FAM117B: variants seen among roughly 807,000 people sequenced by gnomAD.
FAM117B encodes the protein protein FAM117B.
A neutral mutation model predicts 52.8 loss-of-function variants in FAM117B; 22 were observed. That is an observed-to-expected ratio of 0.42 (90% CI 0.30 to 0.59). The LOEUF is 0.59. Ranked by LOEUF, FAM117B falls within the 20% of genes least tolerant of loss-of-function variation. FAM117B has a pLI of 0.22. For synonymous variants in FAM117B, 309 were observed against 324.1 expected (o/e 0.95, Z 0.50); for missense variants, 678 against 802.6 (o/e 0.84, Z 1.88).
At chr2:202,681,942 C>G (rs1165942759) in intron 1 of FAM117B, among the ~76,000 whole-genome samples, 1 of 152,184 alleles carries the variant, frequency 6.6e-6, no homozygotes, top group East Asian at 1.9e-4. Flanking sequence ...ATTCTGTGCC[C>G]ATAAAAACCC....
chr2:202,643,900 G>C (rs981358785), intron 1 of FAM117B, among the ~76,000 whole-genome samples: 2 of 151,972 alleles, frequency 1.3e-5, no homozygotes, highest in Admixed American at 6.6e-5. Flanking sequence ...AGTAGAGGCA[G>C]GGTTTCCCCG....
chr2:202,704,198 G>T (rs1559105942), intron 2 of FAM117B, among the ~76,000 whole-genome samples: 1 of 152,146 alleles, frequency 6.6e-6, no homozygotes, highest in Non-Finnish European at 1.5e-5. Context: ...TTACTTTGAA[G>T]ATTAAATAAA....
intron 2 of FAM117B, among the ~76,000 whole-genome samples, chr2:202,713,614 A>C (rs1690990241): frequency 6.6e-6 from 1 of 151,804 alleles, no homozygotes; most frequent in Non-Finnish European, 1.5e-5. Context: ...TGTTTATTTC[A>C]AGTTTTTCTT....
intron 1 of FAM117B, among the ~76,000 whole-genome samples, chr2:202,691,630 G>T (rs1410936083): frequency 6.9e-6 from 1 of 144,160 alleles, no homozygotes; most frequent in African/African-American, 2.5e-5. Context: ...TTGATATAAT[G>T]CATATATACC....
chr2:202,719,634 C>T (rs1029631581), intron 2 of FAM117B, among the ~76,000 whole-genome samples: 1 of 152,070 alleles, frequency 6.6e-6, no homozygotes, highest in Non-Finnish European at 1.5e-5. Flanking sequence ...TTATCAAATT[C>T]AGGAGATGTA....
rs1574534442 is a variant in FAM117B at position 202,635,536 on chromosome 2, G to A, written c.349G>A (p.Ala117Thr). The A allele has an allele frequency of 3.4e-6, 4 of 1,160,492 alleles. No homozygotes were observed. Among genetic ancestry groups the A allele is most frequent in the Non-Finnish European group, 4.2e-6 (4 of 944,574 alleles). The allele number at this position is 1,160,492 out of a possible 1,614,324, so 71.9% of individuals were successfully genotyped here. A position where few individuals can be genotyped will look rare whatever the true frequency, so the allele number is the denominator to read the frequency against. ...GGTGGCCACGCAGACGGGCGCGTCC[G>A]CGACGTCCACGCGAGGCACCAGCCC... The part of the protein sequence containing the change: ...PTVATQTGAS[A>T]TSTRGTSPTR... The change falls in exon 1 of 8, where the codon GCG (alanine) becomes ACG (threonine). Residue 117 changes from alanine (A) to threonine (T), a missense_variant. Ala to Thr is a moderately conservative substitution (Grantham distance 58). Around this residue, in one of 3 missense-constraint regions of FAM117B, gnomAD observed 583 missense variants for 644.8 expected, o/e 0.90. Transcript: ENST00000392238.
chr2:202,654,424 T>A (rs1690022948), intron 1 of FAM117B, among the ~76,000 whole-genome samples: 1 of 152,140 alleles, frequency 6.6e-6, no homozygotes, highest in Admixed American at 6.6e-5. Context: ...TTAAACTTTG[T>A]TTATGAAGGT....
At chr2:202,708,057 A>G (rs1444235653) in intron 2 of FAM117B, among the ~76,000 whole-genome samples, 1 of 152,188 alleles carries the variant, frequency 6.6e-6, no homozygotes, top group Non-Finnish European at 1.5e-5. Context: ...GGCATAAGCC[A>G]CCACGCCCAG....
intron 5 of FAM117B, among the ~76,000 whole-genome samples, chr2:202,756,555 C>T (rs2105799563): frequency 6.6e-6 from 1 of 152,188 alleles, no homozygotes; most frequent in African/African-American, 2.4e-5. Flanking sequence ...GCTTAAGATC[C>T]TCTCCCTTAA....
At chr2:202,732,350 T>C (rs1051000173) in intron 4 of FAM117B, among the ~76,000 whole-genome samples, 3 of 152,112 alleles carry the variant, frequency 2.0e-5, no homozygotes, top group Admixed American at 6.5e-5. Context: ...CATAAAAACT[T>C]GTACATGTAT....
intron 1 of FAM117B, among the ~76,000 whole-genome samples, chr2:202,652,957 T>C (rs1167464375): frequency 6.6e-6 from 1 of 152,050 alleles, no homozygotes; most frequent in East Asian, 1.9e-4. Flanking sequence ...AATGGCTTCC[T>C]GTTAAAAAAT....
In FAM117B at chr2:202,768,535, T is replaced by TAAAAATTC. The variant is rs1692022349; in HGVS notation, c.*2773_*2774insAAATTCAA. 6.6e-6 allele frequency: 1 copy of TAAAAATTC among 152,622 alleles called. No homozygotes were observed. Among genetic ancestry groups the TAAAAATTC allele is most frequent in the South Asian group, 2.1e-4 (1 of 4,830 alleles). The allele number at this position is 152,622 out of a possible 1,614,324, so 9.5% of individuals were successfully genotyped here. On this transcript the variant is annotated 3_prime_UTR_variant, in exon 8 of 8. Transcript: ENST00000392238. The stretch of plus-strand genomic sequence containing the variant: ...GCCAAAGGGCTAATTTTTAAGCATG[T>TAAAAATTC]AAGCTTTACCACAGTCTTGAAAAAA...
intron 4 of FAM117B, among the ~76,000 whole-genome samples, chr2:202,754,542 A>G (rs1396678961): frequency 1.3e-5 from 2 of 152,106 alleles, no homozygotes; most frequent in African/African-American, 4.8e-5. Flanking sequence ...AAATAATTAT[A>G]TAGATTAATC....
intron 1 of FAM117B, among the ~76,000 whole-genome samples, chr2:202,666,167 G>C (rs915894825): frequency 1.3e-5 from 2 of 151,998 alleles, no homozygotes; most frequent in Non-Finnish European, 2.9e-5. Context: ...TGATGATAGA[G>C]ACTTTGTTGA....
At chr2:202,721,878 G>T (rs1214613428) in intron 2 of FAM117B, among the ~76,000 whole-genome samples, 1 of 151,940 alleles carries the variant, frequency 6.6e-6, no homozygotes, top group African/African-American at 2.4e-5. Context: ...AAGTGATCCT[G>T]TAGCCTTGGC....
In FAM117B at chr2:202,696,062, T is replaced by G. The variant is rs373725920; in HGVS notation, c.753+30T>G. On this transcript the variant is annotated intron_variant, in intron 2 of 7. Coordinates refer to ENST00000392238, the MANE Select transcript of FAM117B (RefSeq NM_173511.4). Reference sequence around the variant, plus strand: ...GCTTATTATAGTTCTTATCCTGAAGTGTTTTTCTCTGAAGCTACTTCTTCT... The same window carrying G: ...GCTTATTATAGTTCTTATCCTGAAGGGTTTTTCTCTGAAGCTACTTCTTCT... 2.3e-5 allele frequency: 37 copies of G among 1,601,726 alleles called. No homozygotes were observed. In the African/African-American group the frequency reaches 4.7e-4, roughly 20 times the overall value.
chr2:202,741,548 T>C (rs1691538929), intron 4 of FAM117B, among the ~76,000 whole-genome samples: 1 of 145,380 alleles, frequency 6.9e-6, no homozygotes, highest in Non-Finnish European at 1.5e-5. Flanking sequence ...AAAAATTTTT[T>C]TTTTTTGAGA....
At chr2:202,651,144 C>T (rs1689949920) in intron 1 of FAM117B, among the ~76,000 whole-genome samples, 1 of 151,154 alleles carries the variant, frequency 6.6e-6, no homozygotes, top group African/African-American at 2.4e-5. Context: ...CTCACTGTAA[C>T]CTCTGCCTCC....
At chr2:202,753,856 T>G (rs148274961) in intron 4 of FAM117B, among the ~76,000 whole-genome samples, 2 of 152,000 alleles carry the variant, frequency 1.3e-5, no homozygotes, top group African/African-American at 4.8e-5. Flanking sequence ...ATGGCAATTA[T>G]TAAAATAAGT....
Sources: allele counts gnomAD v4.1 joint callset (sites outside exome capture counted in the v4.1 genomes callset), GRCh38; gene constraint gnomAD v4.1.1; regional missense constraint gnomAD v4.1.1; transcripts MANE v1.5; gene names NCBI Gene and HGNC (gene_info 2026-07-23, HGNC 2026-07-21).